MAGI2: variants seen among roughly 807,000 people sequenced by gnomAD.
MAGI2 encodes the protein membrane associated guanylate kinase, WW and PDZ domain containing 2, also known as membrane-associated guanylate kinase, WW and PDZ domain-containing protein 2.
In MAGI2, 35 loss-of-function variants were observed where a neutral mutation model predicts 133.3. The ratio of observed to expected loss-of-function variants is 0.26; its 90% CI spans 0.20 to 0.35. The LOEUF (loss-of-function observed/expected upper bound fraction) is 0.35, where lower values mean the gene tolerates loss of function less well. MAGI2 is among the 10% of genes least tolerant of loss of function. The pLI is 1.00. For missense variants in MAGI2, 1,636 were observed against 1,863.4 expected (o/e 0.88, Z 2.25); for synonymous variants, 729 against 710.6 (o/e 1.03, Z -0.41).
chr7:79,091,752 C>T (rs1013969514), intron 1 of MAGI2, among the ~76,000 whole-genome samples: 9 of 150,918 alleles, frequency 6.0e-5, no homozygotes, highest in South Asian at 4.2e-4. Context: ...CAGCCATGGA[C>T]GATACACAGA....
chr7:78,342,715 A>G (rs563358219), intron 9 of MAGI2, among the ~76,000 whole-genome samples: 5 of 152,174 alleles, frequency 3.3e-5, no homozygotes, highest in Admixed American at 6.5e-5. Context: ...AAAAACAGAA[A>G]ACCAAACACC....
At chr7:78,986,872 CT>C (rs1805309427) in intron 2 of MAGI2, among the ~76,000 whole-genome samples, 3 of 152,018 alleles carry the variant, frequency 2.0e-5, no homozygotes, top group Admixed American at 6.6e-5. Flanking sequence ...TTAATCCTCT[CT>C]TATACCATTT....
chr7:78,265,835 G>T (rs1157443890), intron 9 of MAGI2, among the ~76,000 whole-genome samples: 2 of 152,194 alleles, frequency 1.3e-5, no homozygotes, highest in African/African-American at 2.4e-5. Context: ...GCTCCTAGAG[G>T]CCAGCATGGC....
chr7:78,051,269 A>T (rs1811974352), intron 21 of MAGI2, among the ~76,000 whole-genome samples: 1 of 152,220 alleles, frequency 6.6e-6, no homozygotes, highest in South Asian at 2.1e-4. Flanking sequence ...GCAAGCTCCG[A>T]GGTGCTGGAG....
chr7:78,661,167 TAA>T (rs1236825053), intron 2 of MAGI2, among the ~76,000 whole-genome samples: 1 of 152,218 alleles, frequency 6.6e-6, no homozygotes. Flanking sequence ...ACATTTTTTA[TAA>T]GAGTAGACAA....
chr7:78,220,345 C>T (rs1041330241), intron 10 of MAGI2, among the ~76,000 whole-genome samples: 7 of 152,202 alleles, frequency 4.6e-5, no homozygotes, highest in Non-Finnish European at 1.0e-4. Context: ...TGTCCCCCCA[C>T]CCATGGTACC....
intron 21 of MAGI2, among the ~76,000 whole-genome samples, chr7:78,064,961 G>A (rs183864767): frequency 1.6e-3 from 237 of 152,050 alleles, no homozygotes; most frequent in African/African-American, 5.3e-3. Context: ...ATACTAACTC[G>A]ATGTAAAGTT....
intron 2 of MAGI2, among the ~76,000 whole-genome samples, chr7:78,922,758 G>C (rs1423899703): frequency 6.6e-6 from 1 of 151,720 alleles, no homozygotes; most frequent in Non-Finnish European, 1.5e-5. Flanking sequence ...GATCCCTGAG[G>C]AATCGCTACA....
At chr7:78,583,983 C>A (rs1340745124) in intron 3 of MAGI2, among the ~76,000 whole-genome samples, 2 of 152,204 alleles carry the variant, frequency 1.3e-5, no homozygotes, top group Admixed American at 6.5e-5. Context: ...TACACAAGTG[C>A]TTCTAAATAG....
chr7:78,888,436 G>C (rs1796449343), intron 2 of MAGI2, among the ~76,000 whole-genome samples: 1 of 152,222 alleles, frequency 6.6e-6, no homozygotes, highest in African/African-American at 2.4e-5. Context: ...GCCTCCTCAA[G>C]TGGGTCCCTG....
At chr7:78,841,826 T>G (rs1792168484) in intron 2 of MAGI2, among the ~76,000 whole-genome samples, 1 of 151,944 alleles carries the variant, frequency 6.6e-6, no homozygotes, top group African/African-American at 2.4e-5. Flanking sequence ...TTTCCATCCT[T>G]TAGGTCACAG....
rs533328665 is a variant in MAGI2, at chr7:78,233,175, G to A, written c.2047+22768C>T. On this transcript the variant is annotated intron_variant, in intron 10 of 21. Transcript: ENST00000354212. ...AAATTGTAAAAGTAGATACAATCAT[G>A]TGGGTGGTCATGATTGTGGTGGTGA... is the stretch of plus-strand genomic sequence containing the variant. Among the ~76,000 whole-genome samples the A allele has an allele frequency of 2.6e-5, 4 of 152,292 alleles. No homozygotes were observed. In the South Asian group the frequency reaches 6.2e-4, roughly 24 times the overall value.
At chr7:78,200,355 CA>C (rs1245716981) in intron 11 of MAGI2, among the ~76,000 whole-genome samples, 3 of 152,168 alleles carry the variant, frequency 2.0e-5, no homozygotes, top group African/African-American at 7.2e-5. Context: ...ACTGCTAAGC[CA>C]ACTTGGCTAG....
At chr7:78,873,771 G>A (rs186537072) in intron 2 of MAGI2, among the ~76,000 whole-genome samples, 43 of 152,198 alleles carry the variant, frequency 2.8e-4, no homozygotes, top group African/African-American at 1.0e-3. Flanking sequence ...GGGGACCACT[G>A]CTATGCACCA....
intron 3 of MAGI2, among the ~76,000 whole-genome samples, chr7:78,594,223 T>C (rs1396124279): frequency 2.0e-5 from 3 of 152,236 alleles, no homozygotes; most frequent in Admixed American, 6.5e-5. Flanking sequence ...TTTGTTAAGA[T>C]AATGTTGCCC....
At chr7:78,712,203 C>T (rs1410313523) in intron 2 of MAGI2, among the ~76,000 whole-genome samples, 1 of 152,122 alleles carries the variant, frequency 6.6e-6, no homozygotes. Flanking sequence ...TTCCTACTTA[C>T]AGTAAATCAT....
chr7:78,794,291 T>C, intron 2 of MAGI2, among the ~76,000 whole-genome samples: 1 of 152,180 alleles, frequency 6.6e-6, no homozygotes, highest in East Asian at 1.9e-4. Flanking sequence ...AAGAATCCCA[T>C]GAATTCCCAG....
intron 3 of MAGI2, among the ~76,000 whole-genome samples, chr7:78,573,291 A>AAAT (rs1801853615): frequency 7.5e-5 from 4 of 53,352 alleles, no homozygotes; most frequent in East Asian, 7.0e-4. Flanking sequence ...TATTTATATA[A>AAAT]ATATATATAT....
intron 10 of MAGI2, among the ~76,000 whole-genome samples, chr7:78,234,704 T>G (rs376878578): frequency 6.6e-6 from 1 of 151,800 alleles, no homozygotes; most frequent in South Asian, 2.1e-4. Flanking sequence ...AGCAAGATAC[T>G]GCTATAGGTG....
Sources: allele counts gnomAD v4.1 joint callset (sites outside exome capture counted in the v4.1 genomes callset), GRCh38; gene constraint gnomAD v4.1.1; transcripts MANE v1.5; gene names NCBI Gene and HGNC (gene_info 2026-07-23, HGNC 2026-07-21).